PCDHA5: variants seen among roughly 807,000 people sequenced by gnomAD.
The protein encoded by PCDHA5 is protocadherin alpha-5.
A neutral mutation model predicts 61.6 loss-of-function variants in PCDHA5; 43 were observed. The observed-to-expected ratio is 0.70, with a 90% CI of 0.55 to 0.90. The LOEUF (loss-of-function observed/expected upper bound fraction) is 0.90, where lower values mean the gene tolerates loss of function less well. Among genes scored for constraint, PCDHA5 ranks in the 40% least tolerant of loss-of-function variants. The probability of loss-of-function intolerance (pLI) is 0.00; values close to 1 mark genes in which losing one functional copy is unlikely to be tolerated. For missense variants in PCDHA5, 1,298 were observed against 1,222.7 expected, an observed-to-expected ratio of 1.06 and a Z score of -0.92; for synonymous variants, 627 against 543.9, an observed-to-expected ratio of 1.15 and a Z score of -2.13.
chr5:141,010,063 G>C lies in PCDHA5; in HGVS notation c.*126G>C, dbSNP rs1393265789. ...CTCTTAGAGACCTCAGAAATCTGCA[G>C]AAAGTTCCCTGTGTCTGTCTAGAAC... On this transcript the variant is annotated 3_prime_UTR_variant, in exon 4 of 4. Transcript: ENST00000529859. 31 of 1,602,790 alleles carry C rather than the reference G, an allele frequency of 1.9e-5. No individual in the cohort carries two copies. The highest frequency in any genetic ancestry group is 2.6e-5 in the Non-Finnish European group (31 of 1,174,498).
intron 1 of PCDHA5, chr5:140,855,906 C>G (rs1442009275): frequency 3.5e-6 from 4 of 1,137,256 alleles, no homozygotes; most frequent in Non-Finnish European, 3.7e-6. Context: ...CAGCCAGTTT[C>G]TCAAGGACTA....
At chr5:140,846,481 T>A (rs1181531139) in intron 1 of PCDHA5, among the ~76,000 whole-genome samples, 1 of 146,696 alleles carries the variant, frequency 6.8e-6, no homozygotes, top group Non-Finnish European at 1.5e-5. Context: ...TTCAAATGAT[T>A]CTCCTTCCTC....
At chr5:140,967,624 G>C (rs950749188) in intron 1 of PCDHA5, 1 of 1,614,158 alleles carries the variant, frequency 6.2e-7, no homozygotes, top group Non-Finnish European at 8.5e-7. Flanking sequence ...ACCCGGATGA[G>C]GGCTCCAATG....
rs563116049 is a variant in PCDHA5, at chr5:140,869,756, G to A, written c.2352+45629G>A. ...TTGCTGCTAACAGCTACAGACGGGGGAAAACCAGAGCTTACTGGCACCGTT... is the reference window on the plus strand; with the variant it reads ...TTGCTGCTAACAGCTACAGACGGGGAAAAACCAGAGCTTACTGGCACCGTT... On this transcript the variant is annotated intron_variant, in intron 1 of 3. Coordinates refer to ENST00000529859, the MANE Select transcript of PCDHA5 (RefSeq NM_018908.3). The A allele has an allele frequency of 3.2e-5, 51 of 1,613,194 alleles. No individual in the cohort carries two copies. Among genetic ancestry groups the A allele is most frequent in the Non-Finnish European group, 4.0e-5 (47 of 1,179,718 alleles).
chr5:140,823,179 G>T lies in PCDHA5; in HGVS notation c.1404G>T (p.Pro468=), dbSNP rs17844294. The T allele has an allele frequency of 6.2e-7, 1 of 1,613,914 alleles. No homozygotes were observed. The highest frequency in any genetic ancestry group is 8.5e-7 in the Non-Finnish European group (1 of 1,179,876). Residue 468 remains proline (P), a synonymous_variant, in exon 1 of 4, where the codon CCG becomes CCT. Transcript: ENST00000529859. ...CCGTGTTCGTGAAGGAGAACAACCC[G>T]CCAGGCTGCCACATCTTCACGGTGT... The part of the protein sequence containing the change: ...QYTVFVKENN[P]PGCHIFTVSA...
intron 1 of PCDHA5, chr5:140,867,950 C>G (rs2050209580): frequency 1.3e-5 from 2 of 152,002 alleles, no homozygotes; most frequent in Non-Finnish European, 2.9e-5. Context: ...ACTTCTGCTC[C>G]CAAACCCAAA....
intron 1 of PCDHA5, among the ~76,000 whole-genome samples, chr5:140,976,863 T>G (rs116630325): frequency 0.028 from 4,205 of 152,320 alleles, 87 homozygotes; most frequent in Non-Finnish European, 0.044. Flanking sequence ...GAGTTTACTG[T>G]CTGACAAAGA....
At chr5:140,833,562 T>A (rs1298635340) in intron 1 of PCDHA5, among the ~76,000 whole-genome samples, 1 of 152,132 alleles carries the variant, frequency 6.6e-6, no homozygotes, top group African/African-American at 2.4e-5. Context: ...GAAACAAATA[T>A]AAAATGATGA....
chr5:140,993,530 AG>A (rs2097570679), intron 3 of PCDHA5, among the ~76,000 whole-genome samples: 7 of 152,044 alleles, frequency 4.6e-5, no homozygotes, highest in African/African-American at 1.7e-4. Context: ...AGACAGAGAG[AG>A]AGAGAGATAG....
intron 1 of PCDHA5, chr5:140,929,861 G>C (rs2086430114): frequency 6.5e-6 from 1 of 153,628 alleles, no homozygotes; most frequent in Admixed American, 6.5e-5. Context: ...AGTCAGAGAA[G>C]GCTTTGTGAT....
At chr5:140,926,942 C>CT in intron 1 of PCDHA5, 1 of 1,585,854 alleles carries the variant, frequency 6.3e-7, no homozygotes, top group Non-Finnish European at 8.6e-7. Flanking sequence ...TCCTGCGGCG[C>CT]TGCAGCGGGA....
intron 1 of PCDHA5, among the ~76,000 whole-genome samples, chr5:140,922,977 G>C (rs935363543): frequency 3.9e-5 from 6 of 152,204 alleles, no homozygotes; most frequent in Non-Finnish European, 5.9e-5. Context: ...GCATATCTCA[G>C]ACAATAGGCA....
At chr5:140,976,970 C>A (rs1294728864) in intron 1 of PCDHA5, among the ~76,000 whole-genome samples, 3 of 152,140 alleles carry the variant, frequency 2.0e-5, no homozygotes, top group African/African-American at 7.2e-5. Context: ...CTTTCCTTTT[C>A]CCTGCCTGAT....
intron 3 of PCDHA5, among the ~76,000 whole-genome samples, chr5:141,000,389 CTCTCTCTATATA>C (rs1270729414): frequency 5.3e-4 from 33 of 62,572 alleles, no homozygotes; most frequent in African/African-American, 2.0e-3. Context: ...CTCTCTCTCT[CTCTCTCTATATA>C]TATATATATA....
chr5:140,869,858 T>C (rs1554163543), intron 1 of PCDHA5: 5 of 1,610,642 alleles, frequency 3.1e-6, no homozygotes, highest in East Asian at 4.5e-5. Context: ...GTGAGCCTTA[T>C]GGAAAATGCT....
intron 1 of PCDHA5, among the ~76,000 whole-genome samples, chr5:140,880,485 G>T (rs957327401): frequency 6.6e-6 from 1 of 152,190 alleles, no homozygotes; most frequent in Non-Finnish European, 1.5e-5. Flanking sequence ...GACACAAGAA[G>T]AGAGCAATTG....
At chr5:140,893,039 C>A (rs1024548713) in intron 1 of PCDHA5, among the ~76,000 whole-genome samples, 49 of 152,306 alleles carry the variant, frequency 3.2e-4, no homozygotes, top group African/African-American at 1.1e-3. Flanking sequence ...TAACATATGC[C>A]CTCCAGGCTC....
At chr5:140,871,809 A>G (rs1489306606) in intron 1 of PCDHA5, among the ~76,000 whole-genome samples, 1 of 152,260 alleles carries the variant, frequency 6.6e-6, no homozygotes. Flanking sequence ...TATTTTCACT[A>G]AAGTACCCAT....
chr5:140,969,672 A>C (rs1251717537), intron 1 of PCDHA5, among the ~76,000 whole-genome samples: 2 of 152,198 alleles, frequency 1.3e-5, no homozygotes, highest in African/African-American at 4.8e-5. Context: ...TAATGTTATG[A>C]GACTCAAGGA....
Sources: allele counts gnomAD v4.1 joint callset (sites outside exome capture counted in the v4.1 genomes callset), GRCh38; gene constraint gnomAD v4.1.1; transcripts MANE v1.5; gene names NCBI Gene and HGNC (gene_info 2026-07-23, HGNC 2026-07-21).